The following TENM1 variants were observed in gnomAD, a reference collection of about 807,000 sequenced individuals.
TENM1 encodes the protein teneurin transmembrane protein 1, also known as teneurin-1.
A neutral mutation model predicts 174.8 loss-of-function variants in TENM1; 35 were observed. That is an observed-to-expected ratio of 0.20 (90% CI 0.15 to 0.27). TENM1 has a LOEUF of 0.27. Among genes scored for constraint, TENM1 ranks in the 10% least tolerant of loss-of-function variants. The pLI, the probability that TENM1 is intolerant of heterozygous loss-of-function variation, is 1.00. For missense variants in TENM1, 1,633 were observed against 2,130.1 expected (o/e 0.77, Z 4.59); for synonymous variants, 781 against 798.7 (o/e 0.98, Z 0.37).
chrX:125,015,190 C>A, the TENM1 span, among the ~76,000 whole-genome samples: 1 of 111,278 alleles, frequency 9.0e-6, no homozygotes, highest in African/African-American at 3.3e-5. Context: ...TGACAAATAA[C>A]CTAGGGTTGC....
intron 3 of TENM1, among the ~76,000 whole-genome samples, chrX:124,877,875 T>C (rs1023585911): frequency 8.9e-5 from 10 of 111,762 alleles, no homozygotes; most frequent in African/African-American, 2.9e-4. Context: ...TTATATGTAT[T>C]ATATACTTAA....
chrX:124,469,261 G>C (rs768209904), intron 22 of TENM1, among the ~76,000 whole-genome samples: 2 of 112,076 alleles, frequency 1.8e-5, no homozygotes, highest in South Asian at 7.5e-4. Flanking sequence ...CTTAATAATA[G>C]TTATTAGCTT....
chrX:124,987,701 T>TTGTGTG, the TENM1 span, among the ~76,000 whole-genome samples: 3,830 of 91,310 alleles, frequency 0.042, 177 homozygotes, highest in African/African-American at 0.13. Flanking sequence ...GTTCTGCATT[T>TTGTGTG]TGTGTGTGTG....
intron 4 of TENM1, among the ~76,000 whole-genome samples, chrX:124,707,327 TTTTC>T (rs1329697580): frequency 1.8e-5 from 2 of 111,963 alleles, no homozygotes; most frequent in Non-Finnish European, 3.8e-5. Context: ...AACTTTTTTC[TTTTC>T]TTTTTTATCT....
the TENM1 span, among the ~76,000 whole-genome samples, chrX:125,004,296 C>T: frequency 2.7e-5 from 3 of 111,779 alleles, no homozygotes; most frequent in Non-Finnish European, 5.6e-5. Context: ...AATGTTGTTG[C>T]TATGGGTCCA....
intron 11 of TENM1, among the ~76,000 whole-genome samples, chrX:124,589,250 T>C (rs760661427): frequency 9.0e-6 from 1 of 110,986 alleles, no homozygotes; most frequent in South Asian, 3.8e-4. Context: ...GAAGCCTACT[T>C]GATTGTGGTG....
At chrX:124,818,568 T>C (rs1157998014) in intron 3 of TENM1, among the ~76,000 whole-genome samples, 2 of 111,816 alleles carry the variant, frequency 1.8e-5, no homozygotes, top group Non-Finnish European at 3.8e-5. Flanking sequence ...AAATCTATTA[T>C]ATGGCAGGAC....
the TENM1 span, among the ~76,000 whole-genome samples, chrX:125,118,833 GTAAA>G: frequency 9.0e-6 from 1 of 111,691 alleles, no homozygotes; most frequent in African/African-American, 3.3e-5. Flanking sequence ...ATGTAAAAAA[GTAAA>G]TACTGTATTA....
At chrX:124,983,048 T>C in the TENM1 span, among the ~76,000 whole-genome samples, 10 of 112,206 alleles carry the variant, frequency 8.9e-5, no homozygotes, top group Non-Finnish European at 1.9e-4. Context: ...TGTATGTCTT[T>C]TGTAGCAAAA....
At chrX:124,566,057 T>A (rs1164422910) in intron 11 of TENM1, among the ~76,000 whole-genome samples, 1 of 111,682 alleles carries the variant, frequency 9.0e-6, no homozygotes, top group Non-Finnish European at 1.9e-5. Context: ...AGATCACAGA[T>A]AATGTTGCAG....
intron 5 of TENM1, among the ~76,000 whole-genome samples, chrX:124,700,878 C>T (rs772386928): frequency 3.6e-5 from 4 of 110,961 alleles, no homozygotes; most frequent in Non-Finnish European, 7.6e-5. Flanking sequence ...TGTAGTAAAC[C>T]CCCAAAATAG....
intron 3 of TENM1, among the ~76,000 whole-genome samples, chrX:124,740,942 T>C (rs1473331370): frequency 9.0e-6 from 1 of 110,539 alleles, no homozygotes; most frequent in Non-Finnish European, 1.9e-5. Context: ...AAGGGGGGAG[T>C]GGTGATTATG....
intron 18 of TENM1, among the ~76,000 whole-genome samples, chrX:124,516,817 T>C (rs970846022): frequency 9.0e-6 from 1 of 111,697 alleles, no homozygotes. Flanking sequence ...GGTAGGAATA[T>C]AAACCATTCT....
intron 7 of TENM1, among the ~76,000 whole-genome samples, chrX:124,653,240 G>A (rs1195792465): frequency 9.0e-6 from 1 of 111,367 alleles, no homozygotes; most frequent in Non-Finnish European, 1.9e-5. Context: ...TGGGAAAAGG[G>A]GACACAGATG....
At chrX:124,506,515 T>C (rs780492738) in intron 18 of TENM1, among the ~76,000 whole-genome samples, 1 of 111,953 alleles carries the variant, frequency 8.9e-6, no homozygotes, top group East Asian at 2.8e-4. Context: ...ACTTACTAAG[T>C]TCCCTCTAAT....
At chrX:124,805,037 T>C (rs2055557698) in intron 3 of TENM1, among the ~76,000 whole-genome samples, 1 of 110,284 alleles carries the variant, frequency 9.1e-6, no homozygotes. Context: ...CCCTGTGGAG[T>C]GAGGGTGGGA....
At chrX:124,676,349 T>C (rs1470963168) in intron 5 of TENM1, among the ~76,000 whole-genome samples, 1 of 81,208 alleles carries the variant, frequency 1.2e-5, no homozygotes, top group Non-Finnish European at 2.4e-5. Flanking sequence ...CCCAGATCTC[T>C]GAGGGAGTAC....
chrX:124,773,828 A>T (rs2054717957), intron 3 of TENM1, among the ~76,000 whole-genome samples: 1 of 111,781 alleles, frequency 8.9e-6, no homozygotes, highest in Non-Finnish European at 1.9e-5. Context: ...CTGGGTGAAA[A>T]CAATAGAAAA....
exon 11 of TENM1, chrX:124,641,822 A>G: frequency 8.3e-7 from 1 of 1,211,864 alleles, no homozygotes; most frequent in Non-Finnish European, 1.1e-6. Context: ...TCCACTTGGG[A>G]TCACAGCTGC....
Sources: allele counts gnomAD v4.1 joint callset (sites outside exome capture counted in the v4.1 genomes callset), GRCh38; gene constraint gnomAD v4.1.1; transcripts MANE v1.5; gene names NCBI Gene and HGNC (gene_info 2026-07-23, HGNC 2026-07-21).